The following PIGN variants were observed in gnomAD, a reference collection of about 807,000 sequenced individuals.
The protein encoded by PIGN is GPI ethanolamine phosphate transferase 1.
Under a neutral mutation model 125.4 loss-of-function variants are expected in PIGN, and 117 were observed. The observed-to-expected ratio is 0.93, with a 90% CI of 0.80 to 1.09. PIGN has a LOEUF of 1.09. Among genes scored for constraint, PIGN ranks in the 50% least tolerant of loss-of-function variants. The pLI is 0.00. For synonymous variants in PIGN, 392 were observed against 377.8 expected (o/e 1.04, Z -0.44); for missense variants, 1,075 against 1,094.9 (o/e 0.98, Z 0.26).
At chr18:62,064,070 A>G (rs1294975340) in intron 30 of PIGN, among the ~76,000 whole-genome samples, 1 of 152,218 alleles carries the variant, frequency 6.6e-6, no homozygotes, top group Non-Finnish European at 1.5e-5. Flanking sequence ...TAGAACTTAA[A>G]GCATAATAAA....
rs560010455 is a variant in PIGN, at chr18:62,109,851, C to T, written c.1557G>A (p.Trp519Ter). The change falls in exon 17 of 31, where the codon TGG (tryptophan) becomes TGA (stop). Residue 519 changes from tryptophan to a stop codon, truncating the protein, a stop_gained. Transcript: ENST00000640252. LOFTEE classifies it high-confidence loss of function. ...YVYGLLPLPI[W>*]YAVLREFQVI... ...TTACTTACTCTCTTAGAACCGCATA[C>T]CATATTGGCAGTGGCAACAAACCAT... 6.2e-7 allele frequency: 1 copy of T among 1,612,152 alleles called. No individual in the cohort carries two copies.
intron 30 of PIGN, among the ~76,000 whole-genome samples, chr18:62,047,164 C>T (rs1490374430): frequency 1.3e-5 from 2 of 152,266 alleles, no homozygotes; most frequent in African/African-American, 2.4e-5. Flanking sequence ...GGCTCCACCC[C>T]TACCTATTCC....
chr18:62,160,643 GA>G (rs979621683), intron 4 of PIGN, among the ~76,000 whole-genome samples: 7 of 151,976 alleles, frequency 4.6e-5, no homozygotes, highest in African/African-American at 1.7e-4. Flanking sequence ...AGGTAGCTAG[GA>G]TTACAGGCAT....
chr18:62,182,337 A>G (rs367571389), intron 1 of PIGN, among the ~76,000 whole-genome samples: 26 of 152,194 alleles, frequency 1.7e-4, no homozygotes, highest in Admixed American at 6.5e-5. Context: ...TCAACTAAGT[A>G]GGTTTAAAAC....
intron 25 of PIGN, among the ~76,000 whole-genome samples, chr18:62,087,052 G>A (rs971201731): frequency 2.0e-5 from 3 of 152,116 alleles, no homozygotes; most frequent in Non-Finnish European, 4.4e-5. Flanking sequence ...TGGTCCTCGA[G>A]GTCACGAAAG....
rs1252966203 is a variant in PIGN at position 62,045,509 on chromosome 18, T to C, written c.*347A>G. On this transcript the variant is annotated 3_prime_UTR_variant, in exon 31 of 31. Transcript: ENST00000640252. ...CATCAGCACTGCCCCCACAGGCATA[T>C]GCTCTCCTCTGGGTATGTGGGAAGT... 5.4e-6 allele frequency: 1 copy of C among 186,360 alleles called. No individual in the cohort carries two copies. The highest frequency in any genetic ancestry group is 2.4e-5 in the African/African-American group (1 of 42,214). 11.5% of individuals were successfully genotyped at this position (186,360 alleles called of 1,614,324 possible). A position where few individuals can be genotyped will look rare whatever the true frequency, so the allele number is the denominator to read the frequency against.
In PIGN at chr18:62,044,840, T is replaced by C. The variant is rs879421297; in HGVS notation, c.*1016A>G. The C allele has an allele frequency of 5.9e-5, 9 of 152,220 alleles. No homozygotes were observed. The highest frequency in any genetic ancestry group is 7.3e-5 in the Non-Finnish European group (5 of 68,040). The allele number at this position is 152,220 out of a possible 1,614,324, so 9.4% of individuals were successfully genotyped here. On this transcript the variant is annotated 3_prime_UTR_variant, in exon 31 of 31. Coordinates refer to ENST00000640252, the MANE Select transcript of PIGN (RefSeq NM_176787.5). ...ACTCTGCAGGGATATGTAAAGGTCA[T>C]TTTATGGATAATCCATATAAAAACT... is the stretch of plus-strand genomic sequence containing the variant.
intron 23 of PIGN, 31 bp from the exon 24 acceptor site, chr18:62,090,609 G>GA (rs780512572): frequency 9.3e-6 from 12 of 1,291,564 alleles, no homozygotes; most frequent in Admixed American, 7.8e-5. Flanking sequence ...GAAATGAAAA[G>GA]AAAAAAACAG....
intron 1 of PIGN, among the ~76,000 whole-genome samples, chr18:62,170,937 A>G (rs1295260967): frequency 1.3e-5 from 2 of 152,224 alleles, no homozygotes; most frequent in Non-Finnish European, 2.9e-5. Context: ...CATTTCCTCA[A>G]GCCAAAGCCT....
intron 23 of PIGN, among the ~76,000 whole-genome samples, chr18:62,093,018 C>T (rs1319345408): frequency 1.3e-5 from 2 of 152,008 alleles, no homozygotes; most frequent in Non-Finnish European, 2.9e-5. Context: ...CAGCTTATAA[C>T]TCTATTGTAC....
chr18:62,085,187 T>C (rs2145961135), intron 26 of PIGN, 22 bp downstream of exon 26: 2 of 1,314,694 alleles, frequency 1.5e-6, no homozygotes, highest in African/African-American at 1.5e-5. Context: ...TATATATATA[T>C]GCCACTTTCA....
chr18:62,026,967 C>A (rs2030131129), intron 23 of PIGN, among the ~76,000 whole-genome samples: 1 of 152,160 alleles, frequency 6.6e-6, no homozygotes, highest in African/African-American at 2.4e-5. Context: ...CTTTAAGAGG[C>A]CGAGGCAGGT....
At chr18:62,091,320 A>G (rs1475112807) in intron 23 of PIGN, among the ~76,000 whole-genome samples, 1 of 152,148 alleles carries the variant, frequency 6.6e-6, no homozygotes, top group East Asian at 1.9e-4. Context: ...ACTCCCACCC[A>G]GGTTACAGTG....
Position 62,043,479 on chromosome 18 carries a change from G to A in PIGN, c.*2377C>T, listed in dbSNP as rs1347937471. 3.3e-5 allele frequency: 5 copies of A among 152,146 alleles called. No individual in the cohort carries two copies. The highest frequency in any genetic ancestry group is 3.3e-4 in the Admixed American group (5 of 15,278). The allele number at this position is 152,146 out of a possible 1,614,324, so 9.4% of individuals were successfully genotyped here. A position where few individuals can be genotyped will look rare whatever the true frequency, so the allele number is the denominator to read the frequency against. Reference sequence around the variant, plus strand: ...TTAATATCTGAGTTGGCTGAAATTTGTAATAAGTTTTTCATGAGAAACCAT... The same window carrying A: ...TTAATATCTGAGTTGGCTGAAATTTATAATAAGTTTTTCATGAGAAACCAT... On this transcript the variant is annotated 3_prime_UTR_variant, in exon 31 of 31. Transcript: ENST00000640252.
At chr18:62,065,710 T>C (rs2032477606) in intron 30 of PIGN, among the ~76,000 whole-genome samples, 1 of 152,036 alleles carries the variant, frequency 6.6e-6, no homozygotes, top group Non-Finnish European at 1.5e-5. Flanking sequence ...CACTCCAGCC[T>C]GGGTGACAGA....
In PIGN at chr18:62,145,901, G is replaced by A; in HGVS notation, c.922+8C>T. On this transcript the variant is annotated splice_region_variant and intron_variant, in intron 10 of 30. Coordinates refer to ENST00000640252, the MANE Select transcript of PIGN (RefSeq NM_176787.5). ...TGTATTTATAAACCAGTAAAGAAAT[G>A]CTTGTACCTTTCAAAAATGCATCAT... is the stretch of plus-strand genomic sequence containing the variant. 1 of 1,346,048 alleles carries A rather than the reference G, an allele frequency of 7.4e-7. No homozygotes were observed. Among genetic ancestry groups the A allele is most frequent in the Non-Finnish European group, 1.1e-6 (1 of 937,192 alleles). The allele number at this position is 1,346,048 out of a possible 1,614,324, so 83.4% of individuals were successfully genotyped here. A position where few individuals can be genotyped will look rare whatever the true frequency, so the allele number is the denominator to read the frequency against.
chr18:62,028,337 G>A (rs1248853629), intron 23 of PIGN, among the ~76,000 whole-genome samples: 1 of 152,176 alleles, frequency 6.6e-6, no homozygotes, highest in Non-Finnish European at 1.5e-5. Flanking sequence ...CACTTCCAAG[G>A]TGTCAGCACC....
At chr18:62,126,623 C>G (rs1048240971) in intron 14 of PIGN, among the ~76,000 whole-genome samples, 2 of 152,154 alleles carry the variant, frequency 1.3e-5, no homozygotes, top group African/African-American at 4.8e-5. Flanking sequence ...TACGCTTTCC[C>G]TCTGTCCTTG....
chr18:62,058,873 GT>G (rs1333520402), intron 30 of PIGN: 1 of 151,902 alleles, frequency 6.6e-6, no homozygotes, highest in East Asian at 1.9e-4. Flanking sequence ...TCCAAAATTG[GT>G]ACCAGCTCCT....
Sources: allele counts gnomAD v4.1 joint callset (sites outside exome capture counted in the v4.1 genomes callset), GRCh38; gene constraint gnomAD v4.1.1; transcripts MANE v1.5; gene names NCBI Gene and HGNC (gene_info 2026-07-23, HGNC 2026-07-21).